SLC25A48: variants seen among roughly 807,000 people sequenced by gnomAD.
SLC25A48 encodes CTC-321K16.1.
Under a neutral mutation model 32.2 loss-of-function variants are expected in SLC25A48, and 29 were observed. That is an observed-to-expected ratio of 0.90 (90% CI 0.67 to 1.23). SLC25A48 has a LOEUF of 1.23. Ranked by LOEUF, SLC25A48 falls within the 50% of genes most tolerant of loss-of-function variation. The probability of loss-of-function intolerance (pLI) is 0.00; values close to 1 mark genes in which losing one functional copy is unlikely to be tolerated. For synonymous variants in SLC25A48, 164 were observed against 172.3 expected, an observed-to-expected ratio of 0.95 and a Z score of 0.38; for missense variants, 399 against 422.7, an observed-to-expected ratio of 0.94 and a Z score of 0.49.
intron 3 of SLC25A48, among the ~76,000 whole-genome samples, chr5:135,661,957 G>A (rs1452091388): frequency 6.6e-6 from 1 of 152,136 alleles, no homozygotes; most frequent in Non-Finnish European, 1.5e-5. Context: ...AAGAATAGGT[G>A]CCTGAGAGTG....
rs1762799667 is a variant in SLC25A48, at chr5:135,888,078, C to T, written c.*54C>T. 6.4e-7 allele frequency: 1 copy of T among 1,551,530 alleles called. No individual in the cohort carries two copies. Among genetic ancestry groups the T allele is most frequent in the Non-Finnish European group, 8.7e-7 (1 of 1,146,860 alleles). ...CAGTGTTCCCTGGGCCTCATCTCTG[C>T]ATGTGAAGCCCTGAGAGCTGCAGAT... On this transcript the variant is annotated 3_prime_UTR_variant, in exon 8 of 8. Coordinates refer to ENST00000681962, the MANE Select transcript of SLC25A48 (RefSeq NM_001349336.2).
chr5:135,647,222 G>T (rs1269327368), intron 3 of SLC25A48, among the ~76,000 whole-genome samples: 1 of 152,030 alleles, frequency 6.6e-6, no homozygotes, highest in African/African-American at 2.4e-5. Flanking sequence ...AGCCAACACT[G>T]GTACTTTATA....
intron 3 of SLC25A48, among the ~76,000 whole-genome samples, chr5:135,733,540 G>A (rs1755282869): frequency 1.3e-5 from 2 of 152,220 alleles, no homozygotes; most frequent in Admixed American, 1.3e-4. Context: ...TATGAGAACT[G>A]TAGAGAGTGA....
intron 7 of SLC25A48, chr5:135,883,417 C>T: frequency 2.0e-6 from 2 of 985,470 alleles, no homozygotes; most frequent in Non-Finnish European, 2.4e-6. Flanking sequence ...CTGGAGTTGG[C>T]TCTAAGTTTC....
At chr5:135,642,954 C>A (rs1752875076) in intron 3 of SLC25A48, among the ~76,000 whole-genome samples, 1 of 152,178 alleles carries the variant, frequency 6.6e-6, no homozygotes, top group African/African-American at 2.4e-5. Context: ...GAGACTATCT[C>A]ACACATAGGC....
intron 3 of SLC25A48, among the ~76,000 whole-genome samples, chr5:135,763,764 TAC>T (rs56030521): frequency 4.6e-4 from 58 of 125,626 alleles, no homozygotes; most frequent in East Asian, 3.3e-3. Context: ...AACACACACA[TAC>T]ACACACACAC....
chr5:135,600,442 C>A (rs1478475706), intron 1 of SLC25A48, among the ~76,000 whole-genome samples: 1 of 152,168 alleles, frequency 6.6e-6, no homozygotes, highest in South Asian at 2.1e-4. Flanking sequence ...CACCGAATGG[C>A]TGGGTTGACA....
At chr5:135,776,277 G>C (rs1756557753) in intron 3 of SLC25A48, among the ~76,000 whole-genome samples, 1 of 147,728 alleles carries the variant, frequency 6.8e-6, no homozygotes, top group East Asian at 2.2e-4. Flanking sequence ...GGGGGGTGGG[G>C]GGCAGAGAGA....
intron 3 of SLC25A48, among the ~76,000 whole-genome samples, chr5:135,668,008 A>C (rs1360629293): frequency 6.6e-6 from 1 of 152,200 alleles, no homozygotes; most frequent in African/African-American, 2.4e-5. Context: ...CTGGGGTGTG[A>C]AGACATAGTC....
chr5:135,630,922 A>T (rs760884361), intron 2 of SLC25A48, among the ~76,000 whole-genome samples: 8 of 152,058 alleles, frequency 5.3e-5, no homozygotes, highest in Non-Finnish European at 1.2e-4. Context: ...CAGTATTCTA[A>T]TGAGCACATC....
intron 3 of SLC25A48, among the ~76,000 whole-genome samples, chr5:135,696,815 C>A (rs1196767299): frequency 6.6e-6 from 1 of 152,206 alleles, no homozygotes; most frequent in Non-Finnish European, 1.5e-5. Context: ...GCCTTTCCAC[C>A]TCCTGCCAAT....
chr5:135,802,044 C>G (rs1757342751), intron 3 of SLC25A48, among the ~76,000 whole-genome samples: 1 of 151,704 alleles, frequency 6.6e-6, no homozygotes, highest in Admixed American at 6.6e-5. Flanking sequence ...AGGGAATGTA[C>G]AAACCCCTGT....
At chr5:135,766,354 AG>A (rs78167640) in intron 3 of SLC25A48, among the ~76,000 whole-genome samples, 61,097 of 134,800 alleles carry the variant, frequency 0.45, 14,121 homozygotes, top group Non-Finnish European at 0.57. Context: ...TGTAATATCA[AG>A]GGGGGGGGAA....
In SLC25A48 at chr5:135,888,523, G is replaced by T. The variant is rs770273680; in HGVS notation, c.*499G>T. ...GGACAGCGGTAGCGCCTTCCTCACC[G>T]CACGCTGAGTCCAGTGCGTGCTCCT... On this transcript the variant is annotated 3_prime_UTR_variant, in exon 8 of 8. Transcript: ENST00000681962. The T allele has an allele frequency of 3.6e-5, 6 of 165,614 alleles. No homozygotes were observed. In the East Asian group the frequency reaches 8.1e-4, roughly 22 times the overall value. The allele number at this position is 165,614 out of a possible 1,614,324, so 10.3% of individuals were successfully genotyped here.
chr5:135,754,539 A>G (rs951379891), intron 3 of SLC25A48, among the ~76,000 whole-genome samples: 5 of 151,936 alleles, frequency 3.3e-5, no homozygotes, highest in African/African-American at 1.2e-4. Flanking sequence ...TCATTCTGAT[A>G]TAATATCCAA....
intron 3 of SLC25A48, among the ~76,000 whole-genome samples, chr5:135,698,058 C>G (rs966614762): frequency 6.6e-6 from 1 of 152,232 alleles, no homozygotes; most frequent in Non-Finnish European, 1.5e-5. Flanking sequence ...GCCTCGCCAC[C>G]TTTAGGTCTG....
intron 3 of SLC25A48, among the ~76,000 whole-genome samples, chr5:135,639,201 C>T (rs1218648149): frequency 6.6e-6 from 1 of 152,160 alleles, no homozygotes. Flanking sequence ...TGTTAACTAC[C>T]AACTTTGTCT....
At chr5:135,739,265 T>C (rs1755447397) in intron 3 of SLC25A48, among the ~76,000 whole-genome samples, 1 of 152,090 alleles carries the variant, frequency 6.6e-6, no homozygotes, top group Non-Finnish European at 1.5e-5. Flanking sequence ...CTACAAGTGC[T>C]CACCATCATG....
At chr5:135,606,239 T>A (rs1751930345) in intron 1 of SLC25A48, among the ~76,000 whole-genome samples, 1 of 152,208 alleles carries the variant, frequency 6.6e-6, no homozygotes, top group African/African-American at 2.4e-5. Context: ...GGAGGTGGTC[T>A]GGGTTGCAAG....
Sources: gnomAD v4.1 joint callset for allele counts (sites outside exome capture counted in the v4.1 genomes callset) on GRCh38, gnomAD v4.1.1 for gene constraint, MANE v1.5 for transcripts, NCBI Gene and HGNC (gene_info 2026-07-23, HGNC 2026-07-21) for gene names.